MAN2A1: variants seen among roughly 807,000 people sequenced by gnomAD.
MAN2A1 encodes the protein alpha-mannosidase 2.
Under a neutral mutation model 142.6 loss-of-function variants are expected in MAN2A1, and 76 were observed. The observed-to-expected ratio is 0.53, with a 90% confidence interval of 0.44 to 0.65. MAN2A1 has a LOEUF of 0.65. MAN2A1 is among the 30% of genes least tolerant of loss of function. The pLI is 0.00. For synonymous variants in MAN2A1, 559 were observed against 473.2 expected (o/e 1.18, Z -2.35); for missense variants, 1,311 against 1,365.1 (o/e 0.96, Z 0.62).
chr5:109,699,924 A>G (rs1750928404), intron 1 of MAN2A1: 3 of 152,216 alleles, frequency 2.0e-5, no homozygotes, highest in African/African-American at 4.8e-5. Context: ...ACCATGCAGT[A>G]TATGTCAGGT....
chr5:109,712,883 C>T (rs1028299434), intron 1 of MAN2A1, among the ~76,000 whole-genome samples: 4 of 151,986 alleles, frequency 2.6e-5, no homozygotes, highest in Non-Finnish European at 4.4e-5. Flanking sequence ...TTTTGTATAA[C>T]GAGGTTTATG....
At chr5:109,692,969 A>G (rs897007942) in intron 1 of MAN2A1, among the ~76,000 whole-genome samples, 6 of 152,056 alleles carry the variant, frequency 3.9e-5, no homozygotes, top group African/African-American at 1.2e-4. Context: ...ATCTGACAGG[A>G]GGTGGAGCTC....
At chr5:109,735,906 T>C (rs1246224210) in intron 4 of MAN2A1, among the ~76,000 whole-genome samples, 2 of 138,766 alleles carry the variant, frequency 1.4e-5, no homozygotes, top group African/African-American at 5.4e-5. Flanking sequence ...TTTTCCCTCT[T>C]GATAGGAGGC....
At chr5:109,787,585 G>T (rs1358978443) in intron 10 of MAN2A1, among the ~76,000 whole-genome samples, 1 of 151,958 alleles carries the variant, frequency 6.6e-6, no homozygotes, top group African/African-American at 2.4e-5. Context: ...GTAGTCTTTA[G>T]TACTCATCTT....
intron 16 of MAN2A1, among the ~76,000 whole-genome samples, chr5:109,831,671 G>C: frequency 6.6e-6 from 1 of 151,988 alleles, no homozygotes; most frequent in Middle Eastern, 3.4e-3. Flanking sequence ...TTTAACTGTC[G>C]GAAACTTCAC....
chr5:109,701,033 T>C (rs1750966156), intron 1 of MAN2A1, among the ~76,000 whole-genome samples: 1 of 152,242 alleles, frequency 6.6e-6, no homozygotes, highest in Non-Finnish European at 1.5e-5. Context: ...ATATAGTAAG[T>C]GCTCAGTAAA....
chr5:109,690,622 AC>A, intron 1 of MAN2A1, 70 bp downstream of exon 1: 1 of 1,504,172 alleles, frequency 6.6e-7, no homozygotes, highest in South Asian at 1.2e-5. Flanking sequence ...AGCGGCTGCT[AC>A]CCAACCTCTT....
intron 12 of MAN2A1, among the ~76,000 whole-genome samples, chr5:109,801,977 G>C (rs995107512): frequency 2.2e-4 from 33 of 152,152 alleles, no homozygotes; most frequent in African/African-American, 8.0e-4. Flanking sequence ...GTAGGACTAT[G>C]TGGGCCTATG....
intron 1 of MAN2A1, among the ~76,000 whole-genome samples, chr5:109,697,058 A>G (rs1211673240): frequency 6.6e-6 from 1 of 152,230 alleles, no homozygotes; most frequent in Non-Finnish European, 1.5e-5. Flanking sequence ...AGGTCATTGT[A>G]AATAGATCAT....
chr5:109,863,268 T>C (rs989311523), intron 20 of MAN2A1: 5 of 152,246 alleles, frequency 3.3e-5, no homozygotes, highest in African/African-American at 1.2e-4. Context: ...TCCCTGAGTC[T>C]TTAGCTACAA....
intron 4 of MAN2A1, among the ~76,000 whole-genome samples, chr5:109,735,548 G>T (rs1752066058): frequency 6.6e-6 from 1 of 152,136 alleles, no homozygotes; most frequent in Non-Finnish European, 1.5e-5. Context: ...TCCTTCAGGA[G>T]CCCACTGTCT....
chr5:109,823,603 C>A, intron 15 of MAN2A1, 120 bp from the exon 16 acceptor site: 1 of 605,116 alleles, frequency 1.7e-6, no homozygotes, highest in Non-Finnish European at 2.9e-6. Context: ...ATCTGGTTTA[C>A]ACTTAAAATT....
rs1437776203 is a variant in MAN2A1, at chr5:109,743,056, T to G, written c.708-12273T>G. On this transcript the variant is annotated intron_variant, in intron 4 of 21. Transcript: ENST00000261483. ...TCTCAAGCCTCAGAGAGGATTTTTT[T>G]GCAGCATTGACATCGATCACTCCAT... is the stretch of plus-strand genomic sequence containing the variant. Among the ~76,000 whole-genome samples the G allele has an allele frequency of 3.3e-5, 5 of 152,222 alleles. No homozygotes were observed. In the East Asian group the frequency reaches 9.6e-4, roughly 29 times the overall value.
chr5:109,840,866 T>C (rs1755185633), intron 16 of MAN2A1, among the ~76,000 whole-genome samples: 1 of 151,736 alleles, frequency 6.6e-6, no homozygotes, highest in Non-Finnish European at 1.5e-5. Context: ...CCGACAATCA[T>C]GGGGCCTGCA....
In MAN2A1 at chr5:109,727,424, C is replaced by T. The variant is rs138158101; in HGVS notation, c.536-1918C>T. 6.5e-3 allele frequency among the ~76,000 whole-genome samples: 989 copies of T among 152,162 alleles called. 15 individuals carry two copies. Among genetic ancestry groups the T allele is most frequent in the African/African-American group, 0.022 (925 of 41,512 alleles). On this transcript the variant is annotated intron_variant, in intron 3 of 21. Transcript: ENST00000261483. Reference sequence around the variant, plus strand: ...GTAGGATTAGGGCGTATCTTCATGACCTCATTTTACCTTAATTACCTCTTT... The same window carrying T: ...GTAGGATTAGGGCGTATCTTCATGATCTCATTTTACCTTAATTACCTCTTT...
chr5:109,710,016 TATG>T (rs1751250698), intron 1 of MAN2A1, among the ~76,000 whole-genome samples: 1 of 152,218 alleles, frequency 6.6e-6, no homozygotes, highest in Non-Finnish European at 1.5e-5. Context: ...AGAATTTGCT[TATG>T]AGGGTGTTCA....
intron 5 of MAN2A1, among the ~76,000 whole-genome samples, chr5:109,766,674 G>A (rs1479850332): frequency 6.6e-6 from 1 of 151,876 alleles, no homozygotes; most frequent in African/African-American, 2.4e-5. Flanking sequence ...TAGGTAAGGT[G>A]CTTAAAAGGT....
intron 12 of MAN2A1, among the ~76,000 whole-genome samples, chr5:109,791,863 C>T (rs527361101): frequency 2.0e-5 from 3 of 151,824 alleles, no homozygotes; most frequent in South Asian, 2.1e-4. Flanking sequence ...AAATAATACA[C>T]GTAAATTTGA....
At chr5:109,790,734 C>A (rs866347629) in intron 12 of MAN2A1, among the ~76,000 whole-genome samples, 1 of 151,998 alleles carries the variant, frequency 6.6e-6, no homozygotes, top group Non-Finnish European at 1.5e-5. Context: ...GTTCTCTCAT[C>A]TATTAACTTT....
Sources: gnomAD v4.1 joint callset for allele counts (sites outside exome capture counted in the v4.1 genomes callset) on GRCh38, gnomAD v4.1.1 for gene constraint, MANE v1.5 for transcripts, NCBI Gene and HGNC (gene_info 2026-07-23, HGNC 2026-07-21) for gene names.